Variants in DDX43 observed in about 807,000 individuals in gnomAD.
DDX43 encodes probable ATP-dependent RNA helicase DDX43.
Under a neutral mutation model 84.9 loss-of-function variants are expected in DDX43, and 50 were observed. That is an observed-to-expected ratio of 0.59 (90% CI 0.47 to 0.75). The LOEUF (loss-of-function observed/expected upper bound fraction) is 0.75, where lower values mean the gene tolerates loss of function less well. Ranked by LOEUF, DDX43 falls within the 30% of genes least tolerant of loss-of-function variation. The pLI is 0.00. For missense variants in DDX43, 689 were observed against 798.6 expected (o/e 0.86, Z 1.65); for synonymous variants, 291 against 266.3 (o/e 1.09, Z -0.90).
intron 7 of DDX43, chr6:73,406,910 A>G (rs1479407533): frequency 6.5e-6 from 1 of 153,680 alleles, no homozygotes; most frequent in African/African-American, 2.4e-5. Flanking sequence ...CATAGAAACT[A>G]ACACTAATCT....
At chr6:73,401,541 G>A (rs147801967) in intron 3 of DDX43, among the ~76,000 whole-genome samples, 2 of 152,124 alleles carry the variant, frequency 1.3e-5, no homozygotes, top group Non-Finnish European at 2.9e-5. Flanking sequence ...GGTGGCTCAC[G>A]CCTGTAATCC....
chr6:73,412,341 G>T, intron 11 of DDX43, 49 bp downstream of exon 11: 5 of 1,526,504 alleles, frequency 3.3e-6, no homozygotes, highest in Non-Finnish European at 4.5e-6. Context: ...TGAAAATTCT[G>T]AAGATAGCTA....
Position 73,415,505 on chromosome 6 carries a change from G to C in DDX43, c.1754G>C (p.Gly585Ala), listed in dbSNP as rs747961778. ...IGRTGRAGRT[G>A]VSITTLTRND... The stretch of plus-strand genomic sequence containing the variant: ...TTTCCCCCACACTAAAGGAGGACTG[G>C]TGTTTCCATTACAACTTTGACTAGA... Residue 585 changes from glycine (G) to alanine (A), a missense_variant, in exon 15 of 17, where the codon GGT (glycine) becomes GCT (alanine). By Grantham distance (60) the Gly-to-Ala change is moderately conservative. Transcript: ENST00000370336. 14 of 1,611,940 alleles carry C rather than the reference G, an allele frequency of 8.7e-6. No homozygotes were observed. The highest frequency in any genetic ancestry group is 1.1e-5 in the Non-Finnish European group (13 of 1,178,372).
chr6:73,403,218 C>G (rs987080169), intron 4 of DDX43, among the ~76,000 whole-genome samples: 5 of 152,094 alleles, frequency 3.3e-5, no homozygotes, highest in African/African-American at 1.2e-4. Flanking sequence ...CCTGTAATCC[C>G]AGCACTTTGG....
Position 73,405,759 on chromosome 6 carries a change from A to G in DDX43, c.731A>G (p.Asp244Gly), listed in dbSNP as rs761413871. 5 of 1,614,156 alleles carry G rather than the reference A, an allele frequency of 3.1e-6. No homozygotes were observed. The highest frequency in any genetic ancestry group is 4.2e-6 in the Non-Finnish European group (5 of 1,180,018). The change falls in exon 6 of 17, where the codon GAT (aspartate) becomes GGT (glycine). Residue 244 changes from aspartate to glycine, a missense_variant. By Grantham distance (94) the Asp-to-Gly change is moderately conservative (BLOSUM62 -1). Transcript: ENST00000370336. ...RPIPNPTCTF[D>G]DAFQCYPEVM... Reference sequence around the variant, plus strand: ...ATCCCCAATCCTACCTGCACATTTGATGACGCCTTTCAATGTTATCCTGAG... The same window carrying G: ...ATCCCCAATCCTACCTGCACATTTGGTGACGCCTTTCAATGTTATCCTGAG...
At chr6:73,416,087 A>C (rs758572813) in intron 15 of DDX43, 26 bp from the exon 16 acceptor site, 5 of 1,205,408 alleles carry the variant, frequency 4.1e-6, no homozygotes, top group Non-Finnish European at 6.2e-6. Flanking sequence ...TCAGAATCCT[A>C]ATAACAACAC....
chr6:73,398,565 G>T (rs560286669), intron 2 of DDX43, among the ~76,000 whole-genome samples: 1 of 142,842 alleles, frequency 7.0e-6, no homozygotes, highest in Admixed American at 6.7e-5. Context: ...GGTAAAAATC[G>T]TTAGAGATAA....
chr6:73,410,259 C>T (rs888744032), intron 10 of DDX43, among the ~76,000 whole-genome samples: 3 of 152,082 alleles, frequency 2.0e-5, no homozygotes, highest in African/African-American at 4.8e-5. Flanking sequence ...CTCTGCCTCC[C>T]GGGTTCAAGC....
At position 73,401,930 on chromosome 6, in the gene DDX43, T is replaced by C. The variant is rs1267768416; in HGVS notation, c.508T>C (p.Leu170=). 6.2e-7 allele frequency: 1 copy of C among 1,614,134 alleles called. No individual in the cohort carries two copies. Among genetic ancestry groups the C allele is most frequent in the Non-Finnish European group, 8.5e-7 (1 of 1,180,006 alleles). The change falls in exon 4 of 17, where the codon TTG becomes CTG. Residue 170 remains leucine, a synonymous_variant. Coordinates refer to ENST00000370336, the MANE Select transcript of DDX43 (RefSeq NM_018665.3). ...CAATGTTGTTGCAGGAGATCGGCCA[T>C]TGATAGATTGGGATCAAATTAGAGA... ...DNNVVAGDRP[L]IDWDQIREEG...
At chr6:73,407,046 G>T (rs1414742486) in intron 7 of DDX43, 1 of 155,600 alleles carries the variant, frequency 6.4e-6, no homozygotes, top group African/African-American at 2.4e-5. Context: ...GTAATATATA[G>T]AGAGACTACT....
rs778572733 is a variant in DDX43 at position 73,414,089 on chromosome 6, T to C, written c.1606+10T>C. 6.7e-7 allele frequency: 1 copy of C among 1,499,646 alleles called. No homozygotes were observed. Among genetic ancestry groups the C allele is most frequent in the African/African-American group, 1.4e-5 (1 of 72,590 alleles). The allele number at this position is 1,499,646 out of a possible 1,614,324, so 92.9% of individuals were successfully genotyped here. ...GAGAACTTTAAAACAGGTATGTTTA[T>C]GTAATTAGTATTTCATACAGTTTAA... is the stretch of plus-strand genomic sequence containing the variant. On this transcript the variant is annotated intron_variant, in intron 13 of 16. Coordinates refer to ENST00000370336, the MANE Select transcript of DDX43 (RefSeq NM_018665.3).
In DDX43 at chr6:73,400,314, C is replaced by T. The variant is rs530834767; in HGVS notation, c.387C>T (p.Asp129=). The T allele has an allele frequency of 6.2e-7, 1 of 1,607,078 alleles. No homozygotes were observed. Among genetic ancestry groups the T allele is most frequent in the African/African-American group, 1.3e-5 (1 of 74,708 alleles). ...AMQTKAKAVI[D]NFVKKLEENY... ...AAACGAAAGCAAAAGCAGTGATAGA[C>T]AATTTTGTTAAAAAGCTAGAAGAAA... Residue 129 remains aspartate, a synonymous_variant, in exon 3 of 17, where the codon GAC becomes GAT. Transcript: ENST00000370336.
intron 16 of DDX43, among the ~76,000 whole-genome samples, 152 bp from the exon 17 acceptor site, chr6:73,417,035 A>T (rs1769917802): frequency 6.6e-6 from 1 of 152,164 alleles, no homozygotes; most frequent in Non-Finnish European, 1.5e-5. Flanking sequence ...CGCTGTCTCC[A>T]GTTTTGGAGA....
rs912892265 is a variant in DDX43, at chr6:73,413,868, G to A, written c.1496+83G>A. The A allele has an allele frequency of 4.6e-6, 7 of 1,531,186 alleles. No homozygotes were observed. In the African/African-American group the frequency reaches 8.3e-5, roughly 18 times the overall value. The allele number at this position is 1,531,186 out of a possible 1,614,324, so 94.8% of individuals were successfully genotyped here. A position where few individuals can be genotyped will look rare whatever the true frequency, so the allele number is the denominator to read the frequency against. Reference sequence around the variant, plus strand: ...TATTTGTATACTAATTCCAAATGGGGGTGATAAGTCTGTTATGTTACTTTA... The same window carrying A: ...TATTTGTATACTAATTCCAAATGGGAGTGATAAGTCTGTTATGTTACTTTA... On this transcript the variant is annotated intron_variant, in intron 12 of 16. Coordinates refer to ENST00000370336, the MANE Select transcript of DDX43 (RefSeq NM_018665.3).
chr6:73,404,796 TGTAA>T, intron 5 of DDX43, 25 bp downstream of exon 5: 1 of 1,543,750 alleles, frequency 6.5e-7, no homozygotes, highest in Non-Finnish European at 8.9e-7. Flanking sequence ...TACCTAGTTG[TGTAA>T]GTATTTGTAT....
intron 5 of DDX43, 130 bp from the exon 6 acceptor site, chr6:73,405,549 T>C (rs1394830222): frequency 8.3e-6 from 7 of 838,786 alleles, no homozygotes; most frequent in African/African-American, 1.7e-5. Context: ...CATTTCATTA[T>C]AACTTCCCTG....
intron 4 of DDX43, among the ~76,000 whole-genome samples, chr6:73,403,655 T>C (rs1769618488): frequency 6.6e-6 from 1 of 152,118 alleles, no homozygotes; most frequent in East Asian, 1.9e-4. Context: ...CATTTTAATT[T>C]TTATTAAATT....
intron 2 of DDX43, among the ~76,000 whole-genome samples, chr6:73,398,726 A>G (rs1197214296): frequency 6.6e-6 from 1 of 152,192 alleles, no homozygotes; most frequent in Admixed American, 6.5e-5. Context: ...TAGCTCTTGT[A>G]TTCTCAATCT....
intron 10 of DDX43, among the ~76,000 whole-genome samples, chr6:73,411,557 G>T (rs1360500384): frequency 6.6e-6 from 1 of 151,888 alleles, no homozygotes; most frequent in Admixed American, 6.6e-5. Context: ...TCAAACTCCT[G>T]ACCTCAAGTG....
Sources: gnomAD v4.1 joint callset for allele counts (sites outside exome capture counted in the v4.1 genomes callset) on GRCh38, gnomAD v4.1.1 for gene constraint, MANE v1.5 for transcripts, NCBI Gene and HGNC (gene_info 2026-07-23, HGNC 2026-07-21) for gene names.